The following AK5 variants were observed in gnomAD, a reference collection of about 807,000 sequenced individuals.
AK5 encodes adenylate kinase isoenzyme 5.
In AK5, 27 loss-of-function variants were observed where a neutral mutation model predicts 69.5. The observed-to-expected ratio is 0.39, with a 90% CI of 0.29 to 0.54. The LOEUF (loss-of-function observed/expected upper bound fraction) is 0.54, where lower values mean the gene tolerates loss of function less well. Ranked by LOEUF, AK5 falls within the 20% of genes least tolerant of loss-of-function variation. AK5 has a pLI of 0.71. For missense variants in AK5, 531 were observed against 700.4 expected, an observed-to-expected ratio of 0.76 and a Z score of 2.73; for synonymous variants, 260 against 244.4, an observed-to-expected ratio of 1.06 and a Z score of -0.60.
chr1:77,326,827 T>G (rs1660826952), intron 5 of AK5, among the ~76,000 whole-genome samples: 1 of 151,734 alleles, frequency 6.6e-6, no homozygotes, highest in African/African-American at 2.4e-5. Context: ...ACAATGAAAC[T>G]AAAGATACAT....
intron 5 of AK5, among the ~76,000 whole-genome samples, chr1:77,307,629 A>C (rs185508521): frequency 1.3e-5 from 2 of 152,214 alleles, no homozygotes; most frequent in Non-Finnish European, 2.9e-5. Flanking sequence ...CATTTGGTCC[A>C]TAGGTGCAGA....
chr1:77,487,014 T>G (rs1248947427), intron 10 of AK5, among the ~76,000 whole-genome samples: 2 of 152,230 alleles, frequency 1.3e-5, no homozygotes, highest in African/African-American at 4.8e-5. Flanking sequence ...AATTGCCTCA[T>G]GTTCAAATAT....
chr1:77,417,835 A>C, intron 8 of AK5, 120 bp downstream of exon 8: 1 of 611,070 alleles, frequency 1.6e-6, no homozygotes, highest in South Asian at 2.1e-5. Flanking sequence ...GATAACTAAT[A>C]ACATATTACA....
chr1:77,473,414 ACCT>A (rs901495417), intron 8 of AK5, among the ~76,000 whole-genome samples: 2 of 151,480 alleles, frequency 1.3e-5, no homozygotes, highest in Non-Finnish European at 2.9e-5. Flanking sequence ...ACCTAATCTA[ACCT>A]CCTACACGGT....
chr1:77,553,589 T>C (rs2100401556), intron 13 of AK5, among the ~76,000 whole-genome samples: 1 of 152,316 alleles, frequency 6.6e-6, no homozygotes, highest in East Asian at 1.9e-4. Flanking sequence ...GACAAAAAAT[T>C]GGATCACTAG....
At chr1:77,367,572 T>TA (rs1557532672) in intron 6 of AK5, among the ~76,000 whole-genome samples, 94 of 3,756 alleles carry the variant, frequency 0.025, 11 homozygotes, top group Non-Finnish European at 0.11. Context: ...TATATATATA[T>TA]ATATATAATA....
intron 6 of AK5, among the ~76,000 whole-genome samples, chr1:77,368,245 A>ATATATATATGTTATATATAT (rs376578923): frequency 0.02 from 1,359 of 67,788 alleles, 156 homozygotes; most frequent in East Asian, 0.031. Flanking sequence ...ATATATATAT[A>ATATATATATGTTATATATAT]TATATATAAT....
At chr1:77,454,821 GT>G (rs80041015) in intron 8 of AK5, among the ~76,000 whole-genome samples, 34,272 of 149,398 alleles carry the variant, frequency 0.23, 4,397 homozygotes, top group South Asian at 0.4. Context: ...TCTCTCTCAA[GT>G]TTTTTTTTTT....
At chr1:77,484,858 C>T (rs1655489520) in intron 9 of AK5, among the ~76,000 whole-genome samples, 1 of 152,134 alleles carries the variant, frequency 6.6e-6, no homozygotes. Flanking sequence ...TAAACATGTT[C>T]CCATGTCATT....
At position 77,282,220 on chromosome 1, in the gene AK5, C is replaced by T. The variant is rs1172193504; in HGVS notation, c.-94C>T. Reference sequence around the variant, plus strand: ...GAAAGAGGGCTGCACCGCTGCTCGGCGCGGACTCTGCCAGCCCCAGCTTCA... The same window carrying T: ...GAAAGAGGGCTGCACCGCTGCTCGGTGCGGACTCTGCCAGCCCCAGCTTCA... On this transcript the variant is annotated 5_prime_UTR_variant, in exon 1 of 14. Transcript: ENST00000354567. The T allele has an allele frequency of 8.2e-7, 1 of 1,224,978 alleles. No homozygotes were observed. Among genetic ancestry groups the T allele is most frequent in the Non-Finnish European group, 1.1e-6 (1 of 882,216 alleles). The allele number at this position is 1,224,978 out of a possible 1,614,324, so 75.9% of individuals were successfully genotyped here.
At chr1:77,509,327 A>G (rs1316857094) in intron 10 of AK5, among the ~76,000 whole-genome samples, 2 of 152,186 alleles carry the variant, frequency 1.3e-5, no homozygotes, top group East Asian at 1.9e-4. Context: ...TGCTTTTCAG[A>G]ACTAATAAAG....
intron 8 of AK5, among the ~76,000 whole-genome samples, chr1:77,472,437 C>T (rs1005777841): frequency 1.3e-5 from 2 of 152,150 alleles, no homozygotes; most frequent in Non-Finnish European, 2.9e-5. Flanking sequence ...CTCTTTCTCC[C>T]AAAGTCCCCC....
intron 8 of AK5, among the ~76,000 whole-genome samples, chr1:77,423,570 G>C (rs1650995220): frequency 6.6e-6 from 1 of 151,974 alleles, no homozygotes; most frequent in Non-Finnish European, 1.5e-5. Context: ...CCAAAGATTG[G>C]AGAGACAATC....
chr1:77,397,397 G>A (rs1570499421), intron 6 of AK5, among the ~76,000 whole-genome samples: 1 of 152,196 alleles, frequency 6.6e-6, no homozygotes, highest in South Asian at 2.1e-4. Context: ...TGAGGGCAGA[G>A]ACGTTGCCGT....
At position 77,293,977 on chromosome 1, in the gene AK5, C is replaced by T. The variant is rs746648587; in HGVS notation, c.415+17C>T. On this transcript the variant is annotated intron_variant, in intron 3 of 13. Transcript: ENST00000354567. ...TTGTTATAGGTATGAGGACAGAAAG[C>T]AAAAATTCTCATACCGTTGCTGCCT... The T allele has an allele frequency of 1.3e-6, 2 of 1,596,122 alleles. No homozygotes were observed. Among genetic ancestry groups the T allele is most frequent in the African/African-American group, 2.7e-5 (2 of 73,778 alleles).
At chr1:77,387,058 G>A (rs978301641) in intron 6 of AK5, among the ~76,000 whole-genome samples, 2 of 152,138 alleles carry the variant, frequency 1.3e-5, no homozygotes, top group Admixed American at 6.5e-5. Flanking sequence ...ATTCCATTGT[G>A]TAAATGTGCT....
At chr1:77,369,424 T>C (rs1647078412) in intron 6 of AK5, among the ~76,000 whole-genome samples, 1 of 152,198 alleles carries the variant, frequency 6.6e-6, no homozygotes, top group Non-Finnish European at 1.5e-5. Flanking sequence ...AAGCAGATGC[T>C]CCTATTATTT....
rs576334086 is a variant in AK5, at chr1:77,389,793, C to A, written c.892-21188C>A. Among the ~76,000 whole-genome samples the A allele has an allele frequency of 7.2e-4, 109 of 152,090 alleles. No individual in the cohort carries two copies. In the South Asian group the frequency reaches 0.021, roughly 29 times the overall value. The stretch of plus-strand genomic sequence containing the variant: ...TCTGGGCAACATGGTGAAACCCCAT[C>A]TCTACAAAAAATACAAGAATCAGCT... On this transcript the variant is annotated intron_variant, in intron 6 of 13. Transcript: ENST00000354567.
At chr1:77,521,681 G>A in intron 11 of AK5, 146 bp from the exon 12 acceptor site, 1 of 590,500 alleles carries the variant, frequency 1.7e-6, no homozygotes. Context: ...AGGTGGAAGA[G>A]TGAAATGAAA....
Sources: gnomAD v4.1 joint callset for allele counts (sites outside exome capture counted in the v4.1 genomes callset) on GRCh38, gnomAD v4.1.1 for gene constraint, MANE v1.5 for transcripts, NCBI Gene and HGNC (gene_info 2026-07-23, HGNC 2026-07-21) for gene names.